SFMBT1: variants seen among roughly 807,000 people sequenced by gnomAD.
SFMBT1 encodes the protein Scm like with four mbt domains 1.
In SFMBT1, 32 loss-of-function variants were observed where a neutral mutation model predicts 108.7. That is an observed-to-expected ratio of 0.29 (90% CI 0.22 to 0.40). SFMBT1 has a LOEUF of 0.40. Among genes scored for constraint, SFMBT1 ranks in the 10% least tolerant of loss-of-function variants. The probability of loss-of-function intolerance (pLI) is 1.00; values close to 1 mark genes in which losing one functional copy is unlikely to be tolerated. For missense variants in SFMBT1, 816 were observed against 1,059.6 expected, an observed-to-expected ratio of 0.77 and a Z score of 3.19; for synonymous variants, 348 against 369.5, an observed-to-expected ratio of 0.94 and a Z score of 0.67.
At chr3:52,934,426 C>T (rs1244930372) in intron 5 of SFMBT1, among the ~76,000 whole-genome samples, 2 of 102,534 alleles carry the variant, frequency 2.0e-5, no homozygotes, top group Non-Finnish European at 4.0e-5. Flanking sequence ...CAATGTGTTC[C>T]AAGCAAAAAA....
chr3:52,954,440 T>C lies in SFMBT1; in HGVS notation c.29-29A>G, dbSNP rs750280505. 9 of 1,519,172 alleles carry C rather than the reference T, an allele frequency of 5.9e-6. No homozygotes were observed. The African/African-American group carries it at 1.1e-4, about 19-fold the overall frequency. The allele number at this position is 1,519,172 out of a possible 1,614,324, so 94.1% of individuals were successfully genotyped here. Reference sequence around the variant, plus strand: ...GAATTAAAAATAAAACAAAAACAGGTGAATCCCAATTAAAGAAAACTCAAG... The same window carrying C: ...GAATTAAAAATAAAACAAAAACAGGCGAATCCCAATTAAAGAAAACTCAAG... On this transcript the variant is annotated intron_variant, in intron 2 of 20. Coordinates refer to ENST00000394752, the MANE Select transcript of SFMBT1 (RefSeq NM_016329.4).
intron 1 of SFMBT1, among the ~76,000 whole-genome samples, chr3:53,045,516 G>A (rs1700202778): frequency 7.0e-6 from 1 of 143,486 alleles, no homozygotes; most frequent in African/African-American, 2.5e-5. Context: ...GACGGCCGCC[G>A]CCGCTCTCCG....
rs1702271974 is a variant in SFMBT1 at position 52,913,758 on chromosome 3, A to G, written c.1481-141T>C. 7.7e-6 allele frequency: 7 copies of G among 905,162 alleles called. No individual in the cohort carries two copies. The South Asian group carries it at 1.3e-4, about 16-fold the overall frequency. 56.1% of individuals were successfully genotyped at this position (905,162 alleles called of 1,614,324 possible). On this transcript the variant is annotated intron_variant, in intron 14 of 20. Transcript: ENST00000394752. ...TTGGAATTACTTATTTTGAAGCTTAACATGTTGTCTGAGAATGCTCTTAAG... is the reference window on the plus strand; with the variant it reads ...TTGGAATTACTTATTTTGAAGCTTAGCATGTTGTCTGAGAATGCTCTTAAG...
rs191482486 is a variant in SFMBT1 at position 52,946,084 on chromosome 3, C to T, written c.124-2491G>A. 2.6e-3 allele frequency among the ~76,000 whole-genome samples: 395 copies of T among 152,296 alleles called. 1 individual carries two copies. The highest frequency in any genetic ancestry group is 0.01 in the Middle Eastern group (3 of 294). On this transcript the variant is annotated intron_variant, in intron 3 of 20. Transcript: ENST00000394752. ...CATTCCTACAACATTATTACCAAAT[C>T]TGCACAAATTCAATCCAATCATGAG...
At chr3:52,995,875 C>G (rs1698309484) in intron 1 of SFMBT1, among the ~76,000 whole-genome samples, 1 of 149,312 alleles carries the variant, frequency 6.7e-6, no homozygotes, top group East Asian at 2.0e-4. Flanking sequence ...AGTTCGAGAC[C>G]AGCCTGGCCA....
chr3:52,943,689 T>C, intron 3 of SFMBT1, 96 bp from the exon 4 acceptor site: 1 of 1,465,618 alleles, frequency 6.8e-7, no homozygotes, highest in Non-Finnish European at 9.5e-7. Context: ...TCCGAAGCAC[T>C]AAATGCAATA....
chr3:53,029,882 C>G (rs923898824), intron 1 of SFMBT1, among the ~76,000 whole-genome samples: 1 of 152,040 alleles, frequency 6.6e-6, no homozygotes, highest in Admixed American at 6.6e-5. Context: ...CACCCAGTTC[C>G]TCTACCCTTG....
At chr3:52,983,417 T>G (rs938908203) in intron 1 of SFMBT1, among the ~76,000 whole-genome samples, 1 of 152,226 alleles carries the variant, frequency 6.6e-6, no homozygotes, top group African/African-American at 2.4e-5. Flanking sequence ...AGTAGGCTAT[T>G]AGTAAAGTTT....
intron 13 of SFMBT1, 107 bp from the exon 14 acceptor site, chr3:52,916,321 C>T: frequency 1.2e-6 from 1 of 854,744 alleles, no homozygotes; most frequent in Admixed American, 2.3e-5. Flanking sequence ...GGCATGTTCG[C>T]AAAATCTGTA....
intron 1 of SFMBT1, 67 bp from the exon 2 acceptor site, chr3:52,969,325 G>A: frequency 3.5e-6 from 5 of 1,415,832 alleles, no homozygotes; most frequent in South Asian, 1.5e-5. Flanking sequence ...TCATCAAACA[G>A]GGCACTCGAC....
At chr3:52,968,792 A>G (rs1325070333) in intron 2 of SFMBT1, among the ~76,000 whole-genome samples, 2 of 152,006 alleles carry the variant, frequency 1.3e-5, no homozygotes, top group Non-Finnish European at 2.9e-5. Flanking sequence ...ACGGGGTTTC[A>G]CCGTGTTAGC....
At position 52,969,206 on chromosome 3, in the gene SFMBT1, T is replaced by C; in HGVS notation, c.-78A>G. 6.3e-7 allele frequency: 1 copy of C among 1,595,604 alleles called. No homozygotes were observed. Among genetic ancestry groups the C allele is most frequent in the South Asian group, 1.1e-5 (1 of 87,864 alleles). On this transcript the variant is annotated 5_prime_UTR_variant, in exon 2 of 21. Transcript: ENST00000394752. ...GGTTCTGCTAGGATCTGAAGATTAC[T>C]TGCAGGTTTCAAGCATCTGTTCAAT...
chr3:52,975,763 G>A (rs1447929471), intron 1 of SFMBT1, among the ~76,000 whole-genome samples: 2 of 152,052 alleles, frequency 1.3e-5, no homozygotes, highest in African/African-American at 4.8e-5. Context: ...TACCACGCCC[G>A]GCTACTTTTT....
rs1477797072 is a variant in SFMBT1 at position 53,001,964 on chromosome 3, CACACACACAT to C, written c.-130-32716_-130-32707del. On this transcript the variant is annotated intron_variant, in intron 1 of 20. Transcript: ENST00000394752. Reference sequence around the variant, plus strand: ...ACACACACACACACACACACACACACACACACACATAAATGAAAGATTACTGCCTGTTTTG... The same window carrying C: ...ACACACACACACACACACACACACACAAATGAAAGATTACTGCCTGTTTTG... Among the ~76,000 whole-genome samples the C allele has an allele frequency of 4.2e-4, 62 of 146,986 alleles. 2 individuals are homozygous for C. The South Asian group carries it at 0.013, about 31-fold the overall frequency.
At chr3:52,980,078 C>T (rs1415123930) in intron 1 of SFMBT1, among the ~76,000 whole-genome samples, 1 of 152,000 alleles carries the variant, frequency 6.6e-6, no homozygotes, top group Non-Finnish European at 1.5e-5. Context: ...ATACATGTAC[C>T]TATTAGTCTA....
intron 1 of SFMBT1, among the ~76,000 whole-genome samples, chr3:52,982,376 AC>A (rs943740095): frequency 5.9e-5 from 9 of 152,324 alleles, no homozygotes; most frequent in African/African-American, 2.2e-4. Context: ...AGAGCCAATC[AC>A]AAAAATCATG....
chr3:52,974,529 C>G (rs146260954), intron 1 of SFMBT1, among the ~76,000 whole-genome samples: 83 of 152,266 alleles, frequency 5.5e-4, no homozygotes, highest in Non-Finnish European at 1.1e-3. Flanking sequence ...GCCAACATAA[C>G]TCAGGGGCAG....
At chr3:52,985,988 C>CA (rs1196934890) in intron 1 of SFMBT1, among the ~76,000 whole-genome samples, 3 of 151,790 alleles carry the variant, frequency 2.0e-5, no homozygotes, top group Non-Finnish European at 2.9e-5. Context: ...ACTAAAAATA[C>CA]AAAAATTAGC....
In SFMBT1 at chr3:52,930,914, C is replaced by T. The variant is rs143266046; in HGVS notation, c.795+27G>A. On this transcript the variant is annotated intron_variant, in intron 7 of 20. Coordinates refer to ENST00000394752, the MANE Select transcript of SFMBT1 (RefSeq NM_016329.4). Reference sequence around the variant, plus strand: ...TTACTCTACTGTAAGGGGAGCAATACCGGTCTATCACATGTTTTGTTTTTA... The same window carrying T: ...TTACTCTACTGTAAGGGGAGCAATATCGGTCTATCACATGTTTTGTTTTTA... 97 of 1,592,662 alleles carry T rather than the reference C, an allele frequency of 6.1e-5. No individual in the cohort carries two copies. In the Middle Eastern group the frequency reaches 8.3e-4, roughly 14 times the overall value.
Sources: gnomAD v4.1 joint callset for allele counts (sites outside exome capture counted in the v4.1 genomes callset) on GRCh38, gnomAD v4.1.1 for gene constraint, MANE v1.5 for transcripts, NCBI Gene and HGNC (gene_info 2026-07-23, HGNC 2026-07-21) for gene names.